SLC5A8: variants seen among roughly 807,000 people sequenced by gnomAD.
SLC5A8 encodes the protein solute carrier family 5 member 8, also known as sodium-coupled monocarboxylate transporter 1.
In SLC5A8, 55 loss-of-function variants were observed where a neutral mutation model predicts 71.9. The observed-to-expected ratio is 0.77, with a 90% CI of 0.62 to 0.96. The LOEUF is 0.96. SLC5A8 is among the 40% of genes least tolerant of loss of function. The pLI, the probability that SLC5A8 is intolerant of heterozygous loss-of-function variation, is 0.00. For missense variants in SLC5A8, 701 were observed against 745.3 expected, an observed-to-expected ratio of 0.94 and a Z score of 0.69; for synonymous variants, 307 against 276.1, an observed-to-expected ratio of 1.11 and a Z score of -1.11.
intron 11 of SLC5A8, among the ~76,000 whole-genome samples, chr12:101,166,908 G>A (rs2051778072): frequency 6.6e-6 from 1 of 152,000 alleles, no homozygotes; most frequent in African/African-American, 2.4e-5. Context: ...AAGGTATTGA[G>A]GCAGGGAGAG....
intron 10 of SLC5A8, 67 bp from the exon 11 acceptor site, chr12:101,168,249 T>G: frequency 7.0e-7 from 1 of 1,431,656 alleles, no homozygotes; most frequent in Non-Finnish European, 9.6e-7. Context: ...TCAAAGTCAT[T>G]TCATCAGGAT....
At chr12:101,187,108 A>C (rs1401357124) in intron 7 of SLC5A8, among the ~76,000 whole-genome samples, 1 of 152,140 alleles carries the variant, frequency 6.6e-6, no homozygotes, top group Non-Finnish European at 1.5e-5. Flanking sequence ...AACAACAAAA[A>C]ACTGTGTTCA....
chr12:101,190,650 G>A (rs1175286152), intron 5 of SLC5A8, 42 bp from the exon 6 acceptor site: 1 of 1,539,680 alleles, frequency 6.5e-7, no homozygotes, highest in Non-Finnish European at 8.7e-7. Context: ...ACTATTAGCA[G>A]AGACTAAAAA....
chr12:101,176,964 A>G (rs1362028794), intron 10 of SLC5A8, among the ~76,000 whole-genome samples: 1 of 152,124 alleles, frequency 6.6e-6, no homozygotes, highest in Non-Finnish European at 1.5e-5. Context: ...AACAACACAG[A>G]AAAATCAATG....
Position 101,200,047 on chromosome 12 carries a change from AAAAAAAAG to A in SLC5A8, c.469+2109_469+2116del, listed in dbSNP as rs1450145342. Reference sequence around the variant, plus strand: ...AAAAAAAAAAAAAAAAAAAAAAAAAAAAAAAAAGGGAATGAACTACTGATATATATGTA... The same window carrying A: ...AAAAAAAAAAAAAAAAAAAAAAAAAAGGAATGAACTACTGATATATATGTA... On this transcript the variant is annotated intron_variant, in intron 3 of 14. Transcript: ENST00000536262. Among the ~76,000 whole-genome samples the A allele has an allele frequency of 2.4e-3, 220 of 92,628 alleles. 45 individuals carry two copies. The highest frequency in any genetic ancestry group is 8.4e-3 in the South Asian group (22 of 2,612). The allele number at this position is 92,628 out of a possible 152,430, so 60.8% of individuals were successfully genotyped here.
chr12:101,207,575 G>A (rs992456209), intron 1 of SLC5A8, among the ~76,000 whole-genome samples: 3 of 152,122 alleles, frequency 2.0e-5, no homozygotes, highest in Non-Finnish European at 2.9e-5. Context: ...TTGTAGCCCC[G>A]AAGAGGCATG....
intron 10 of SLC5A8, among the ~76,000 whole-genome samples, chr12:101,174,239 T>C (rs2051858647): frequency 6.6e-6 from 1 of 152,206 alleles, no homozygotes; most frequent in South Asian, 2.1e-4. Context: ...AGGTTGTAGG[T>C]GGACCTAGTT....
chr12:101,209,494 T>C lies in SLC5A8; in HGVS notation c.351+4A>G. 5.8e-5 allele frequency: 49 copies of C among 842,338 alleles called. No individual in the cohort carries two copies. The highest frequency in any genetic ancestry group is 8.1e-5 in the Non-Finnish European group (43 of 532,096). The allele number at this position is 842,338 out of a possible 1,614,324, so 52.2% of individuals were successfully genotyped here. On this transcript the variant is annotated splice_donor_region_variant and intron_variant, in intron 1 of 14. Transcript: ENST00000536262. ...GCATGGTCCCAGCCCACCCTGCCCCTTACCTCGTAGGTGCTGGTAATTCCC... is the reference window on the plus strand; with the variant it reads ...GCATGGTCCCAGCCCACCCTGCCCCCTACCTCGTAGGTGCTGGTAATTCCC...
Position 101,210,117 on chromosome 12 carries a change from A to G in SLC5A8, c.-269T>C, listed in dbSNP as rs1869869218. On this transcript the variant is annotated 5_prime_UTR_variant, in exon 1 of 15. Transcript: ENST00000536262. Reference sequence around the variant, plus strand: ...CGACCCGCTGCCCTGAGTGCTCACCACGTGAGGAACTGGAGTGGCCGAGTT... The same window carrying G: ...CGACCCGCTGCCCTGAGTGCTCACCGCGTGAGGAACTGGAGTGGCCGAGTT... The G allele has an allele frequency of 2.4e-6, 1 of 422,134 alleles. No individual in the cohort carries two copies. The highest frequency in any genetic ancestry group is 4.2e-6 in the Non-Finnish European group (1 of 240,928). The allele number at this position is 422,134 out of a possible 1,614,324, so 26.1% of individuals were successfully genotyped here. A position where few individuals can be genotyped will look rare whatever the true frequency, so the allele number is the denominator to read the frequency against.
At chr12:101,200,044 A>AAAAAAAAAAAAAAAAAAAAAAAC (rs1869382248) in intron 3 of SLC5A8, among the ~76,000 whole-genome samples, 1 of 102,382 alleles carries the variant, frequency 9.8e-6, no homozygotes, top group African/African-American at 4.4e-5. Context: ...AAAAAAAAAA[A>AAAAAAAAAAAAAAAAAAAAAAAC]AAAAAAAAAA....
At chr12:101,171,628 G>A (rs113080769) in intron 10 of SLC5A8, among the ~76,000 whole-genome samples, 6 of 152,268 alleles carry the variant, frequency 3.9e-5, no homozygotes, top group East Asian at 1.9e-4. Flanking sequence ...AATGGGGTTC[G>A]GCTGTGGCTT....
chr12:101,167,832 C>G (rs2051787562), intron 11 of SLC5A8, among the ~76,000 whole-genome samples: 1 of 152,276 alleles, frequency 6.6e-6, no homozygotes, highest in Non-Finnish European at 1.5e-5. Context: ...TAGGTACGTG[C>G]ATAAAAATGT....
intron 13 of SLC5A8, among the ~76,000 whole-genome samples, chr12:101,158,951 C>CA (rs34838052): frequency 0.37 from 43,660 of 116,562 alleles, 6,808 homozygotes; most frequent in East Asian, 0.63. Context: ...GTTTTCTTTA[C>CA]AAAAAAAAAA....
At chr12:101,177,389 C>T (rs541475396) in intron 10 of SLC5A8, among the ~76,000 whole-genome samples, 15 of 150,720 alleles carry the variant, frequency 1.0e-4, no homozygotes, top group African/African-American at 3.6e-4. Context: ...AGAATCCTTC[C>T]CAATTTATTT....
intron 3 of SLC5A8, among the ~76,000 whole-genome samples, chr12:101,198,566 T>G (rs1869298287): frequency 6.6e-6 from 1 of 151,880 alleles, no homozygotes; most frequent in Non-Finnish European, 1.5e-5. Flanking sequence ...AAAAATACAA[T>G]TTACCAAAAC....
Position 101,190,449 on chromosome 12 carries a change from A to G in SLC5A8, c.833+19T>C. On this transcript the variant is annotated intron_variant, in intron 6 of 14. Coordinates refer to ENST00000536262, the MANE Select transcript of SLC5A8 (RefSeq NM_145913.5). ...ACTGATGGTTATTAATGATTCATATACCATGGTGTGTGACTTACAGTTTTG... is the reference window on the plus strand; with the variant it reads ...ACTGATGGTTATTAATGATTCATATGCCATGGTGTGTGACTTACAGTTTTG... The G allele has an allele frequency of 6.2e-7, 1 of 1,609,190 alleles. No homozygotes were observed. The highest frequency in any genetic ancestry group is 1.1e-5 in the South Asian group (1 of 90,192).
intron 13 of SLC5A8, among the ~76,000 whole-genome samples, chr12:101,161,443 T>C (rs1049453716): frequency 2.6e-5 from 4 of 152,176 alleles, no homozygotes; most frequent in African/African-American, 9.7e-5. Context: ...CAATTTGATT[T>C]TTTAAAAATG....
intron 8 of SLC5A8, among the ~76,000 whole-genome samples, chr12:101,183,380 T>C (rs1050520637): frequency 2.0e-5 from 3 of 152,142 alleles, no homozygotes; most frequent in African/African-American, 7.2e-5. Context: ...AGCACTGTCT[T>C]TCTTGAAACT....
chr12:101,179,938 T>C, intron 10 of SLC5A8, 91 bp downstream of exon 10: 1 of 1,339,436 alleles, frequency 7.5e-7, no homozygotes, highest in Non-Finnish European at 1.1e-6. Flanking sequence ...GGTGTCGATA[T>C]ATATCGAGAG....
Sources: gnomAD v4.1 joint callset for allele counts (sites outside exome capture counted in the v4.1 genomes callset) on GRCh38, gnomAD v4.1.1 for gene constraint, MANE v1.5 for transcripts, NCBI Gene and HGNC (gene_info 2026-07-23, HGNC 2026-07-21) for gene names.